EXOC4: variants seen among roughly 807,000 people sequenced by gnomAD.
EXOC4 encodes SEC8-like 1.
In EXOC4, 71 loss-of-function variants were observed where a neutral mutation model predicts 107.2. The ratio of observed to expected loss-of-function variants is 0.66; its 90% CI spans 0.55 to 0.81. EXOC4 has a LOEUF of 0.81. Among genes scored for constraint, EXOC4 ranks in the 30% least tolerant of loss-of-function variants. The pLI, the probability that EXOC4 is intolerant of heterozygous loss-of-function variation, is 0.00. For synonymous variants in EXOC4, 456 were observed against 441.2 expected (o/e 1.03, Z -0.42); for missense variants, 1,108 against 1,189.6 (o/e 0.93, Z 1.01).
intron 9 of EXOC4, among the ~76,000 whole-genome samples, chr7:133,554,383 G>T (rs1800652925): frequency 6.6e-6 from 1 of 152,050 alleles, no homozygotes; most frequent in Non-Finnish European, 1.5e-5. Context: ...AAATAGAATT[G>T]TTGTTATACA....
At chr7:133,920,358 T>G (rs965253834) in intron 13 of EXOC4, among the ~76,000 whole-genome samples, 3 of 152,232 alleles carry the variant, frequency 2.0e-5, no homozygotes, top group African/African-American at 7.2e-5. Flanking sequence ...CGATGTCTTT[T>G]GCAGAGAAGT....
chr7:133,690,707 T>C (rs2151076873), intron 10 of EXOC4, among the ~76,000 whole-genome samples: 1 of 152,260 alleles, frequency 6.6e-6, no homozygotes, highest in Non-Finnish European at 1.5e-5. Flanking sequence ...AGTTACACAG[T>C]TTTTATTAAT....
intron 17 of EXOC4, among the ~76,000 whole-genome samples, chr7:134,033,251 A>AAT (rs1193574634): frequency 6.6e-6 from 1 of 152,206 alleles, no homozygotes; most frequent in Non-Finnish European, 1.5e-5. Context: ...TAGACATAAA[A>AAT]ATATATATCC....
At chr7:133,795,158 T>G (rs1015083876) in intron 10 of EXOC4, among the ~76,000 whole-genome samples, 15 of 152,116 alleles carry the variant, frequency 9.9e-5, no homozygotes, top group African/African-American at 3.6e-4. Context: ...AAATAAGAAA[T>G]GATGACACTT....
chr7:133,779,706 A>G (rs1227394754), intron 10 of EXOC4, among the ~76,000 whole-genome samples: 2 of 152,188 alleles, frequency 1.3e-5, no homozygotes, highest in South Asian at 2.1e-4. Context: ...AAACGCACCA[A>G]TCAGCGCTCT....
chr7:133,619,990 G>C (rs985234461), intron 9 of EXOC4, among the ~76,000 whole-genome samples: 2 of 148,680 alleles, frequency 1.3e-5, no homozygotes, highest in East Asian at 3.9e-4. Flanking sequence ...TTTTCTGTGT[G>C]TGTGTGTGTG....
chr7:133,581,148 CA>C (rs1801259243), intron 9 of EXOC4, among the ~76,000 whole-genome samples: 2 of 152,128 alleles, frequency 1.3e-5, no homozygotes, highest in African/African-American at 4.8e-5. Flanking sequence ...TTGGACCCCC[CA>C]ACTGTTCTCT....
chr7:133,396,798 T>A (rs958147012), intron 7 of EXOC4, among the ~76,000 whole-genome samples: 11 of 152,160 alleles, frequency 7.2e-5, no homozygotes, highest in African/African-American at 2.7e-4. Flanking sequence ...ATAAGCATAG[T>A]GGAGTGACTT....
At chr7:134,096,761 G>A in the EXOC4 span, among the ~76,000 whole-genome samples, 4 of 152,236 alleles carry the variant, frequency 2.6e-5, no homozygotes, top group South Asian at 4.2e-4. Flanking sequence ...GTGCTCCCAC[G>A]TTCTTCTGCC....
chr7:133,698,941 A>G (rs1445747214), intron 10 of EXOC4, among the ~76,000 whole-genome samples: 2 of 118,934 alleles, frequency 1.7e-5, no homozygotes, highest in Admixed American at 9.5e-5. Flanking sequence ...TGCAAGTTCT[A>G]TAGCATTATA....
chr7:133,566,441 A>G (rs145413631), intron 9 of EXOC4, among the ~76,000 whole-genome samples: 46 of 152,346 alleles, frequency 3.0e-4, no homozygotes, highest in African/African-American at 1.1e-3. Flanking sequence ...TTTAGCATAC[A>G]GTGAGCACTT....
intron 17 of EXOC4, among the ~76,000 whole-genome samples, chr7:134,025,446 AAAC>A (rs1385633852): frequency 6.6e-6 from 1 of 152,240 alleles, no homozygotes; most frequent in African/African-American, 2.4e-5. Context: ...GCAGTACCTA[AAAC>A]AACAACCATT....
intron 14 of EXOC4, among the ~76,000 whole-genome samples, chr7:133,983,684 A>C (rs1794047889): frequency 6.6e-6 from 1 of 151,090 alleles, no homozygotes. Flanking sequence ...TTTTGCCTCT[A>C]AAATTCTGCT....
At chr7:134,012,060 G>T (rs1372327347) in intron 17 of EXOC4, among the ~76,000 whole-genome samples, 7 of 152,194 alleles carry the variant, frequency 4.6e-5, no homozygotes, top group African/African-American at 1.7e-4. Context: ...TGAGTGAGCA[G>T]GGGAAGAGTA....
At chr7:133,543,052 A>T (rs1469464101) in intron 9 of EXOC4, among the ~76,000 whole-genome samples, 1 of 152,102 alleles carries the variant, frequency 6.6e-6, no homozygotes, top group Non-Finnish European at 1.5e-5. Context: ...ATATATTGAG[A>T]AACTTGAGCT....
At chr7:133,354,459 A>G (rs1795980586) in intron 5 of EXOC4, among the ~76,000 whole-genome samples, 1 of 152,154 alleles carries the variant, frequency 6.6e-6, no homozygotes, top group Admixed American at 6.5e-5. Flanking sequence ...TTTTCAATAC[A>G]TGCATTTGTT....
At chr7:133,326,945 G>T (rs901273147) in intron 5 of EXOC4, among the ~76,000 whole-genome samples, 1 of 152,200 alleles carries the variant, frequency 6.6e-6, no homozygotes, top group Non-Finnish European at 1.5e-5. Context: ...TGCCTTGCAG[G>T]TCAATCTCAG....
chr7:133,945,337 C>T (rs949471424), intron 14 of EXOC4, among the ~76,000 whole-genome samples: 1 of 152,220 alleles, frequency 6.6e-6, no homozygotes, highest in Admixed American at 6.5e-5. Context: ...TCTTTAATTT[C>T]TGTCACTCTC....
chr7:133,888,086 T>G (rs1435314086), intron 11 of EXOC4, among the ~76,000 whole-genome samples: 1 of 152,144 alleles, frequency 6.6e-6, no homozygotes, highest in African/African-American at 2.4e-5. Flanking sequence ...CTTCTGATTA[T>G]TTTACTGGGG....
Sources: allele counts gnomAD v4.1 joint callset (sites outside exome capture counted in the v4.1 genomes callset), GRCh38; gene constraint gnomAD v4.1.1; transcripts MANE v1.5; gene names NCBI Gene and HGNC (gene_info 2026-07-23, HGNC 2026-07-21).